The following PSTPIP1 variants were observed in gnomAD, a reference collection of about 807,000 sequenced individuals.
PSTPIP1 encodes the protein proline-serine-threonine phosphatase-interacting protein 1.
In PSTPIP1, 66 loss-of-function variants were observed where a neutral mutation model predicts 69.6. The ratio of observed to expected loss-of-function variants is 0.95; its 90% CI spans 0.78 to 1.16. The LOEUF (loss-of-function observed/expected upper bound fraction) is 1.16. Ranked by LOEUF, PSTPIP1 falls within the 50% of genes most tolerant of loss-of-function variation. PSTPIP1 has a pLI of 0.00. For synonymous variants in PSTPIP1, 266 were observed against 222.7 expected (o/e 1.19, Z -1.73); for missense variants, 603 against 557.4 (o/e 1.08, Z -0.82).
At chr15:77,032,506 C>A (rs770515255) in intron 11 of PSTPIP1, 112 bp downstream of exon 11, 56 of 1,165,274 alleles carry the variant, frequency 4.8e-5, no homozygotes, top group Middle Eastern at 1.9e-4. Context: ...CAGCTCCCTT[C>A]AGGGCAGAGA....
chr15:77,026,923 C>G (rs533876793), intron 5 of PSTPIP1, among the ~76,000 whole-genome samples: 17 of 152,380 alleles, frequency 1.1e-4, no homozygotes, highest in Non-Finnish European at 2.2e-4. Context: ...CATTCTTTCT[C>G]CAAGTGGCCA....
intron 4 of PSTPIP1, 36 bp from the exon 5 acceptor site, chr15:77,025,462 T>C (rs1187072257): frequency 6.3e-7 from 1 of 1,580,296 alleles, no homozygotes; most frequent in Non-Finnish European, 8.6e-7. Flanking sequence ...CCATCAGATC[T>C]GACACTGGGG....
chr15:77,035,145 G>A (rs1000365695), intron 12 of PSTPIP1, among the ~76,000 whole-genome samples: 5 of 152,224 alleles, frequency 3.3e-5, no homozygotes, highest in Admixed American at 6.5e-5. Context: ...ATCTTCCCAC[G>A]AGGCCTCAGT....
intron 14 of PSTPIP1, 103 bp from the exon 15 acceptor site, chr15:77,036,942 G>A (rs2076590841): frequency 6.7e-7 from 1 of 1,490,536 alleles, no homozygotes; most frequent in Non-Finnish European, 9.1e-7. Flanking sequence ...CACCCTGGGA[G>A]ACATGCCGCA....
chr15:77,026,206 G>A (rs1159811912), intron 5 of PSTPIP1: 4 of 455,860 alleles, frequency 8.8e-6, no homozygotes, highest in African/African-American at 8.0e-5. Flanking sequence ...TGCTTGTCAG[G>A]GAGGCTGCAG....
chr15:77,036,118 G>A (rs1055200448), intron 14 of PSTPIP1, among the ~76,000 whole-genome samples, 183 bp downstream of exon 14: 4 of 152,208 alleles, frequency 2.6e-5, no homozygotes, highest in East Asian at 1.9e-4. Context: ...ACCTGGGAGT[G>A]TGCTTGGATG....
Position 77,008,044 on chromosome 15 carries a change from A to C in PSTPIP1, c.37-10104A>C, listed in dbSNP as rs1246363436. 3 of 456,482 alleles carry C rather than the reference A, an allele frequency of 6.6e-6. No homozygotes were observed. In the Admixed American group the frequency reaches 7.1e-5, roughly 11 times the overall value. 28.3% of individuals were successfully genotyped at this position (456,482 alleles called of 1,614,324 possible). A position where few individuals can be genotyped will look rare whatever the true frequency, so the allele number is the denominator to read the frequency against. On this transcript the variant is annotated intron_variant, in intron 1 of 14. Transcript: ENST00000558012. ...CAGACTACAGGTGGTAGGAAGACCC[A>C]GAACAGCTGAGGATGGTTCAGGCAA...
chr15:77,008,475 T>A (rs186086597), intron 1 of PSTPIP1, among the ~76,000 whole-genome samples: 1 of 152,298 alleles, frequency 6.6e-6, no homozygotes, highest in East Asian at 1.9e-4. Flanking sequence ...AGTGGCACCG[T>A]GTCGGCTCAC....
chr15:77,019,650 C>T (rs1016554357), intron 3 of PSTPIP1, among the ~76,000 whole-genome samples: 2 of 152,208 alleles, frequency 1.3e-5, no homozygotes, highest in East Asian at 1.9e-4. Context: ...GTGGGCCAGT[C>T]GCCTAGCCTC....
chr15:77,032,937 G>C lies in PSTPIP1; in HGVS notation c.914G>C (p.Cys305Ser). 1 of 1,603,576 alleles carries C rather than the reference G, an allele frequency of 6.2e-7. No homozygotes were observed. Among genetic ancestry groups the C allele is most frequent in the Non-Finnish European group, 8.5e-7 (1 of 1,175,472 alleles). ...AGCAGCCCTGGCATACAGCCGTCCT[G>C]CGGCATGATAAAGAGGTGAGGCCCC... ...LTSSPGIQPS[C>S]GMIKRFSGLL... The change falls in exon 12 of 15, where the codon TGC (cysteine) becomes TCC (serine). Residue 305 changes from cysteine to serine, a missense_variant. Cys to Ser is a moderately radical substitution (Grantham distance 112). Transcript: ENST00000558012.
In PSTPIP1 at chr15:77,037,398, A is replaced by G; in HGVS notation, c.*222A>G. On this transcript the variant is annotated 3_prime_UTR_variant, in exon 15 of 15. Transcript: ENST00000558012. ...AGTGTCCGAGTGCTCAGTTCAGAGG[A>G]GGCAAAGGAACAAGGGAAGGAGCCT... 1 of 495,138 alleles carries G rather than the reference A, an allele frequency of 2.0e-6. No individual in the cohort carries two copies. The highest frequency in any genetic ancestry group is 3.4e-6 in the Non-Finnish European group (1 of 290,734). 30.7% of individuals were successfully genotyped at this position (495,138 alleles called of 1,614,324 possible).
Position 77,036,065 on chromosome 15 carries a change from CAGG to C in PSTPIP1, c.1119+134_1119+136del. ...TCATCTTCGAGCATCCTCTCCTCCTCAGGAGGGCACGTGTGCCCGAGTGTGTCC... is the reference window on the plus strand; with the variant it reads ...TCATCTTCGAGCATCCTCTCCTCCTCAGGGCACGTGTGCCCGAGTGTGTCC... On this transcript the variant is annotated intron_variant, in intron 14 of 14. Transcript: ENST00000558012. The C allele has an allele frequency of 4.0e-6, 5 of 1,249,282 alleles. 1 individual carries two copies. In the South Asian group the frequency reaches 6.4e-5, roughly 16 times the overall value. 77.4% of individuals were successfully genotyped at this position (1,249,282 alleles called of 1,614,324 possible). A position where few individuals can be genotyped will look rare whatever the true frequency, so the allele number is the denominator to read the frequency against.
At chr15:77,012,133 CCA>C (rs1386887255) in intron 1 of PSTPIP1, among the ~76,000 whole-genome samples, 2 of 118,750 alleles carry the variant, frequency 1.7e-5, no homozygotes, top group South Asian at 3.2e-4. Flanking sequence ...ATCCATCCAT[CCA>C]TCCATCCATC....
chr15:77,022,575 A>T (rs1438668479), intron 3 of PSTPIP1, among the ~76,000 whole-genome samples: 1 of 152,174 alleles, frequency 6.6e-6, no homozygotes, highest in Non-Finnish European at 1.5e-5. Flanking sequence ...CAGGAATTTC[A>T]TGGGGCAGAG....
chr15:77,032,267 G>C (rs1321047458), intron 10 of PSTPIP1, 31 bp from the exon 11 acceptor site: 30 of 1,605,212 alleles, frequency 1.9e-5, no homozygotes, highest in Non-Finnish European at 2.5e-5. Flanking sequence ...AGTGGGCATC[G>C]GGCTGCGGCC....
At chr15:77,035,360 A>T in intron 12 of PSTPIP1, 148 bp from the exon 13 acceptor site, 4 of 826,360 alleles carry the variant, frequency 4.8e-6, no homozygotes, top group Non-Finnish European at 7.7e-6. Context: ...GCACCTCATA[A>T]ATGACATCCA....
At chr15:77,026,073 T>C (rs2076273961) in intron 5 of PSTPIP1, 1 of 456,644 alleles carries the variant, frequency 2.2e-6, no homozygotes, top group African/African-American at 2.0e-5. Context: ...GAGAGTTGTA[T>C]GGCATTGCTT....
chr15:77,010,623 C>T (rs1176967914), intron 1 of PSTPIP1, among the ~76,000 whole-genome samples: 3 of 152,012 alleles, frequency 2.0e-5, no homozygotes, highest in African/African-American at 2.4e-5. Context: ...TGCTCCTTGC[C>T]TCCTCTCTCA....
At chr15:77,005,865 CTT>C (rs2075805526) in intron 1 of PSTPIP1, among the ~76,000 whole-genome samples, 1 of 152,172 alleles carries the variant, frequency 6.6e-6, no homozygotes, top group South Asian at 2.1e-4. Context: ...TACGTATATA[CTT>C]TATTTTGTAT....
Sources: allele counts gnomAD v4.1 joint callset (sites outside exome capture counted in the v4.1 genomes callset), GRCh38; gene constraint gnomAD v4.1.1; transcripts MANE v1.5; gene names NCBI Gene and HGNC (gene_info 2026-07-23, HGNC 2026-07-21).